The following LYST variants were observed in gnomAD, a reference collection of about 807,000 sequenced individuals.
The protein encoded by LYST is lysosomal trafficking regulator.
Under a neutral mutation model 413.6 loss-of-function variants are expected in LYST, and 192 were observed. The ratio of observed to expected loss-of-function variants is 0.46; its 90% CI spans 0.41 to 0.52. LYST has a LOEUF of 0.52. Among genes scored for constraint, LYST ranks in the 20% least tolerant of loss-of-function variants. The pLI is 0.00. For synonymous variants in LYST, 1,525 were observed against 1,567.3 expected (o/e 0.97, Z 0.64); for missense variants, 3,815 against 4,499.9 (o/e 0.85, Z 4.35).
Position 235,809,685 on chromosome 1 carries a change from T to C in LYST, c.1133A>G (p.Gln378Arg), listed in dbSNP as rs768689963. 4 of 1,613,764 alleles carry C rather than the reference T, an allele frequency of 2.5e-6. No individual in the cohort carries two copies. The highest frequency in any genetic ancestry group is 3.4e-6 in the Non-Finnish European group (4 of 1,179,896). Residue 378 changes from glutamine to arginine, a missense_variant, in exon 5 of 53, where the codon CAA becomes CGA. Physicochemically the swap from Gln to Arg is conservative, Grantham distance 43. Transcript: ENST00000389793. The surrounding 1 kb of genome is among the most constrained non-coding windows in gnomAD (Gnocchi z 4.0). Reference protein sequence around the residue: ...EKQPDPFAPRQKKTLQEVQED... With the variant: ...EKQPDPFAPRRKKTLQEVQED... ...CTGAACCTCCTGCAGTGTTTTCTTT[T>C]GTCTTGGTGCAAAAGGGTCAGGCTG... is the stretch of plus-strand genomic sequence containing the variant.
At chr1:235,712,325 TAAAAG>T in intron 42 of LYST, 128 bp from the exon 43 acceptor site, 1 of 691,138 alleles carries the variant, frequency 1.4e-6, no homozygotes, top group South Asian at 2.2e-5. Flanking sequence ...GCCCATAGTT[TAAAAG>T]AAGTTATTCA....
upstream of LYST, among the ~76,000 whole-genome samples, chr1:235,867,217 G>T (rs191671702): frequency 2.0e-5 from 3 of 152,366 alleles, no homozygotes; most frequent in East Asian, 5.8e-4. Flanking sequence ...CCTCCTCCCA[G>T]GGCTCTGCGT....
intron 10 of LYST, among the ~76,000 whole-genome samples, chr1:235,797,382 T>C (rs1455732989): frequency 6.6e-6 from 1 of 152,208 alleles, no homozygotes; most frequent in Non-Finnish European, 1.5e-5. Context: ...TCAACAATTA[T>C]AAATCATGTT....
At chr1:235,844,874 T>C (rs555204874) in intron 1 of LYST, among the ~76,000 whole-genome samples, 1 of 152,164 alleles carries the variant, frequency 6.6e-6, no homozygotes, top group African/African-American at 2.4e-5. Context: ...CAAGAAAATA[T>C]CTGTTAATCT....
intron 52 of LYST, among the ~76,000 whole-genome samples, chr1:235,663,728 T>G (rs1334240945): frequency 1.3e-5 from 2 of 152,214 alleles, no homozygotes; most frequent in Non-Finnish European, 2.9e-5. Flanking sequence ...ACAGTCTCTA[T>G]GATTCCAGAG....
intron 17 of LYST, among the ~76,000 whole-genome samples, chr1:235,776,288 TAAC>T (rs750674384): frequency 1.3e-5 from 2 of 152,150 alleles, no homozygotes; most frequent in Non-Finnish European, 2.9e-5. Context: ...GTAAGAACCC[TAAC>T]AACAACAAAC....
chr1:235,808,837 C>T lies in LYST; in HGVS notation c.1981G>A (p.Ala661Thr). The T allele has an allele frequency of 3.7e-6, 6 of 1,614,066 alleles. No homozygotes were observed. Among genetic ancestry groups the T allele is most frequent in the Non-Finnish European group, 5.1e-6 (6 of 1,180,010 alleles). Reference protein sequence around the residue: ...EETLQGNLCDAELSSSLSSPS... With the variant: ...EETLQGNLCDTELSSSLSSPS... ...CTGGATAAACTTGAGGAGAGTTCAG[C>T]ATCACATAAGTTTCCCTGCAGTGTC... is the stretch of plus-strand genomic sequence containing the variant. Residue 661 changes from alanine to threonine, a missense_variant, in exon 5 of 53, where the codon GCT becomes ACT. Coordinates refer to ENST00000389793, the MANE Select transcript of LYST (RefSeq NM_000081.4).
intron 1 of LYST, among the ~76,000 whole-genome samples, chr1:235,852,103 G>T (rs1678608275): frequency 6.6e-6 from 1 of 152,178 alleles, no homozygotes; most frequent in African/African-American, 2.4e-5. Flanking sequence ...CTGACTAGAA[G>T]TCAAGATGTC....
chr1:235,738,398 C>T, intron 31 of LYST: 3 of 1,613,370 alleles, frequency 1.9e-6, no homozygotes, highest in East Asian at 2.2e-5. Context: ...CTGCAAGTTG[C>T]TTATTGTTTC....
Position 235,777,209 on chromosome 1 carries a change from G to A in LYST, c.5314C>T (p.Gln1772Ter). 6.2e-7 allele frequency: 1 copy of A among 1,613,754 alleles called. No individual in the cohort carries two copies. Residue 1772 changes from glutamine (Q) to a stop codon, truncating the protein, a stop_gained, in exon 17 of 53, where the codon CAA becomes TAA. Coordinates refer to ENST00000389793, the MANE Select transcript of LYST (RefSeq NM_000081.4). LOFTEE classifies it high-confidence loss of function. ...LKGQMKTQLSQRPFSSKEVQS... is the reference protein window; with the variant it reads ...LKGQMKTQLS The stretch of plus-strand genomic sequence containing the variant: ...ACTTCTTTTGAGCTGAAGGGTCTTT[G>A]AGAGAGTTGGGTTTTCATTTGACCT...
intron 37 of LYST, among the ~76,000 whole-genome samples, chr1:235,728,342 A>T (rs935747524): frequency 2.0e-5 from 3 of 152,208 alleles, no homozygotes; most frequent in African/African-American, 7.2e-5. Context: ...TTTATTAAAA[A>T]AAAAGGTTGC....
intron 1 of LYST, among the ~76,000 whole-genome samples, chr1:235,837,780 A>G (rs1005695160): frequency 1.3e-5 from 2 of 152,134 alleles, no homozygotes; most frequent in African/African-American, 4.8e-5. Flanking sequence ...AAGGCAAGCA[A>G]TTTAAACAGC....
intron 2 of LYST, among the ~76,000 whole-genome samples, chr1:235,831,463 G>A (rs1675972894): frequency 6.6e-6 from 1 of 152,176 alleles, no homozygotes; most frequent in African/African-American, 2.4e-5. Context: ...ACGCAGAGAT[G>A]GGGCTGTGGT....
At chr1:235,821,501 T>C (rs1026983337) in intron 3 of LYST, among the ~76,000 whole-genome samples, 2 of 152,224 alleles carry the variant, frequency 1.3e-5, no homozygotes, top group African/African-American at 4.8e-5. Context: ...AGAAATCCTC[T>C]ATTCGAAGCT....
chr1:235,816,445 A>AAAT (rs1558293861), intron 3 of LYST, among the ~76,000 whole-genome samples: 1 of 141,104 alleles, frequency 7.1e-6, no homozygotes, highest in African/African-American at 2.8e-5. Flanking sequence ...GTCAAAAAAA[A>AAAT]AAATAAATAA....
chr1:235,848,030 G>A (rs1431555306), intron 1 of LYST, among the ~76,000 whole-genome samples: 1 of 152,130 alleles, frequency 6.6e-6, no homozygotes, highest in East Asian at 1.9e-4. Context: ...TGGAACAAAT[G>A]GACTTGACAG....
At position 235,800,386 on chromosome 1, in the gene LYST, C is replaced by G; in HGVS notation, c.3940G>C (p.Gly1314Arg). 2.0e-6 allele frequency: 3 copies of G among 1,535,534 alleles called. No homozygotes were observed. The highest frequency in any genetic ancestry group is 2.7e-6 in the Non-Finnish European group (3 of 1,109,064). ...CCTCCTAAAAGATTTTTCACAGTTC[C>G]CTGAAGATTAAAAAAAATACAAAAT... ...EKNVFLLMQQ[G>R]TVKNLLGGFL... Residue 1314 changes from glycine to arginine, a missense_variant and splice_region_variant, in exon 10 of 53, where the codon GGA (glycine) becomes CGA (arginine). Gly to Arg is a moderately radical substitution (Grantham distance 125). Transcript: ENST00000389793.
At chr1:235,728,011 C>T in intron 38 of LYST, 65 bp downstream of exon 38, 1 of 1,141,062 alleles carries the variant, frequency 8.8e-7, no homozygotes, top group Non-Finnish European at 1.3e-6. Flanking sequence ...TCTAGTTATA[C>T]TGAATTGATA....
intron 22 of LYST, 90 bp downstream of exon 22, chr1:235,762,630 C>T (rs1271757204): frequency 1.5e-6 from 2 of 1,343,910 alleles, no homozygotes; most frequent in African/African-American, 1.5e-5. Context: ...GGTTGTACTA[C>T]ATATACTTCT....
Sources: gnomAD v4.1 joint callset for allele counts (sites outside exome capture counted in the v4.1 genomes callset) on GRCh38, gnomAD v4.1.1 for gene constraint, Gnocchi (gnomAD v3.1) non-coding constraint, MANE v1.5 for transcripts, NCBI Gene and HGNC (gene_info 2026-07-23, HGNC 2026-07-21) for gene names.